XYLT1: variants seen among roughly 807,000 people sequenced by gnomAD.
XYLT1 encodes the protein beta-D-xylosyltransferase 1.
Under a neutral mutation model 91.3 loss-of-function variants are expected in XYLT1, and 36 were observed. The ratio of observed to expected loss-of-function variants is 0.39; its 90% confidence interval spans 0.30 to 0.52. The LOEUF (loss-of-function observed/expected upper bound fraction) is 0.52. Among genes scored for constraint, XYLT1 ranks in the 20% least tolerant of loss-of-function variants. The probability of loss-of-function intolerance (pLI) is 0.68; values close to 1 mark genes in which losing one functional copy is unlikely to be tolerated. For synonymous variants in XYLT1, 588 were observed against 532.0 expected (o/e 1.11, Z -1.45); for missense variants, 1,242 against 1,284.5 (o/e 0.97, Z 0.51).
At chr16:17,399,569 C>T (rs562120969) in intron 1 of XYLT1, among the ~76,000 whole-genome samples, 3 of 152,236 alleles carry the variant, frequency 2.0e-5, no homozygotes, top group Non-Finnish European at 2.9e-5. Context: ...CAGCATCATG[C>T]CCCGGTTGCA....
chr16:17,409,418 A>C (rs564920464), intron 1 of XYLT1, among the ~76,000 whole-genome samples: 1 of 152,176 alleles, frequency 6.6e-6, no homozygotes, highest in South Asian at 2.1e-4. Flanking sequence ...AATGATGTGC[A>C]TAATATTGAT....
At chr16:17,260,932 G>A (rs2033712699) in intron 2 of XYLT1, among the ~76,000 whole-genome samples, 1 of 152,132 alleles carries the variant, frequency 6.6e-6, no homozygotes, top group Admixed American at 6.5e-5. Context: ...GTGATGGCCT[G>A]GAGAAGAAGG....
intron 2 of XYLT1, among the ~76,000 whole-genome samples, chr16:17,314,853 A>G (rs1044085131): frequency 6.6e-6 from 1 of 152,226 alleles, no homozygotes; most frequent in Non-Finnish European, 1.5e-5. Context: ...GCTTAGCCAA[A>G]GAAAAAGAGA....
chr16:17,176,054 G>A (rs1212676763), intron 5 of XYLT1, among the ~76,000 whole-genome samples: 2 of 141,698 alleles, frequency 1.4e-5, no homozygotes, highest in South Asian at 4.8e-4. Context: ...AAAAAAATGC[G>A]GTAAAATATC....
chr16:17,239,821 T>C (rs2033318327), intron 3 of XYLT1, among the ~76,000 whole-genome samples: 1 of 152,184 alleles, frequency 6.6e-6, no homozygotes, highest in South Asian at 2.1e-4. Context: ...TCCTTTCATC[T>C]GTCTGTCCAA....
intron 1 of XYLT1, among the ~76,000 whole-genome samples, chr16:17,372,561 C>G (rs1483686265): frequency 6.6e-6 from 1 of 152,202 alleles, no homozygotes; most frequent in East Asian, 1.9e-4. Flanking sequence ...AATGGTAAGG[C>G]CTGTCGAATT....
intron 1 of XYLT1, among the ~76,000 whole-genome samples, chr16:17,470,053 G>A (rs540362697): frequency 2.0e-5 from 3 of 152,222 alleles, no homozygotes; most frequent in Admixed American, 1.3e-4. Context: ...AACAGCGGCT[G>A]AGGATCCGGG....
chr16:17,455,436 A>ATGCTAGAG (rs1407383179), intron 1 of XYLT1, among the ~76,000 whole-genome samples: 1 of 152,150 alleles, frequency 6.6e-6, no homozygotes, highest in Non-Finnish European at 1.5e-5. Flanking sequence ...GTACCTGCCA[A>ATGCTAGAG]TGCTAGAGTA....
chr16:17,365,923 T>G (rs996690609), intron 1 of XYLT1, among the ~76,000 whole-genome samples: 1 of 152,348 alleles, frequency 6.6e-6, no homozygotes, highest in South Asian at 2.1e-4. Flanking sequence ...TTGTAATTCT[T>G]TAAAAAGTAC....
chr16:17,385,269 TAC>T (rs566134163), intron 1 of XYLT1, among the ~76,000 whole-genome samples: 22,923 of 119,564 alleles, frequency 0.19, 2,410 homozygotes, highest in African/African-American at 0.3. Flanking sequence ...TAAACACACA[TAC>T]ACACACACAC....
chr16:17,330,773 GA>G (rs1007163423), intron 2 of XYLT1, among the ~76,000 whole-genome samples: 6 of 151,180 alleles, frequency 4.0e-5, no homozygotes, highest in African/African-American at 1.5e-4. Context: ...CAGCATGGGG[GA>G]CAAAGCAAGA....
chr16:17,421,131 T>C (rs2036246742), intron 1 of XYLT1, among the ~76,000 whole-genome samples: 1 of 152,186 alleles, frequency 6.6e-6, no homozygotes, highest in African/African-American at 2.4e-5. Context: ...TAGGACTCCA[T>C]GGAGAAGCCA....
intron 3 of XYLT1, among the ~76,000 whole-genome samples, chr16:17,207,476 G>A (rs1167876547): frequency 6.6e-6 from 1 of 152,142 alleles, no homozygotes; most frequent in African/African-American, 2.4e-5. Context: ...GTTTGGGGGA[G>A]AGGCCTCAAT....
intron 1 of XYLT1, among the ~76,000 whole-genome samples, chr16:17,389,231 C>T (rs1038655101): frequency 2.0e-5 from 3 of 152,134 alleles, no homozygotes; most frequent in Non-Finnish European, 4.4e-5. Context: ...AAGCCTTTAA[C>T]AAATTGAGTT....
intron 2 of XYLT1, among the ~76,000 whole-genome samples, chr16:17,328,706 C>T (rs1487445769): frequency 6.6e-6 from 1 of 151,906 alleles, no homozygotes; most frequent in Non-Finnish European, 1.5e-5. Context: ...TTTTTGATGC[C>T]CGTGCGCAAC....
intron 3 of XYLT1, among the ~76,000 whole-genome samples, chr16:17,220,328 G>A (rs889693667): frequency 6.6e-6 from 1 of 152,002 alleles, no homozygotes; most frequent in Admixed American, 6.6e-5. Flanking sequence ...AAAAAAATAT[G>A]AGCACAATTG....
chr16:17,238,136 C>T (rs1310931284), intron 3 of XYLT1, among the ~76,000 whole-genome samples: 2 of 152,192 alleles, frequency 1.3e-5, no homozygotes, highest in Non-Finnish European at 2.9e-5. Context: ...CAACTGAAAC[C>T]CTGGAGAAAC....
intron 1 of XYLT1, among the ~76,000 whole-genome samples, chr16:17,431,602 G>A (rs1201397613): frequency 6.6e-6 from 1 of 152,194 alleles, no homozygotes; most frequent in Non-Finnish European, 1.5e-5. Flanking sequence ...GGTGATCAAG[G>A]ATGGAGTTAA....
At chr16:17,110,214 A>C (rs1467806945) in intron 11 of XYLT1, among the ~76,000 whole-genome samples, 3 of 152,200 alleles carry the variant, frequency 2.0e-5, no homozygotes, top group African/African-American at 7.2e-5. Flanking sequence ...GTGCTGACTC[A>C]TATAAAGTAT....
Sources: gnomAD v4.1 joint callset for allele counts (sites outside exome capture counted in the v4.1 genomes callset) on GRCh38, gnomAD v4.1.1 for gene constraint, MANE v1.5 for transcripts, NCBI Gene and HGNC (gene_info 2026-07-23, HGNC 2026-07-21) for gene names.